Variants in CRHR2 observed in about 807,000 individuals in gnomAD.
CRHR2 encodes the protein corticotropin releasing hormone receptor 2.
Under a neutral mutation model 57.9 loss-of-function variants are expected in CRHR2, and 53 were observed. That is an observed-to-expected ratio of 0.92 (90% CI 0.73 to 1.15). The LOEUF is 1.15. CRHR2 is among the 50% of genes most tolerant of loss of function. CRHR2 has a pLI of 0.00. For missense variants in CRHR2, 532 were observed against 542.6 expected, an observed-to-expected ratio of 0.98 and a Z score of 0.19; for synonymous variants, 213 against 220.9, an observed-to-expected ratio of 0.96 and a Z score of 0.32.
upstream of CRHR2, among the ~76,000 whole-genome samples, chr7:30,685,531 G>T (rs528410108): frequency 6.6e-6 from 1 of 152,272 alleles, no homozygotes; most frequent in African/African-American, 2.4e-5. Context: ...GGGCCTGAAG[G>T]TGCTGCACTT....
chr7:30,692,276 C>T (rs536330757), intron 1 of CRHR2, among the ~76,000 whole-genome samples: 6 of 152,180 alleles, frequency 3.9e-5, no homozygotes, highest in Non-Finnish European at 8.8e-5. Context: ...AGGCCCAGCT[C>T]AAGCTCTTCC....
chr7:30,698,275 T>C (rs956424515), intron 1 of CRHR2: 3 of 152,338 alleles, frequency 2.0e-5, no homozygotes, highest in African/African-American at 7.2e-5. Flanking sequence ...GCAGGAGAGC[T>C]AGGCGCAGGG....
rs374898980 is a variant in CRHR2, at chr7:30,667,332, G to T, written c.230-19C>A. 44 of 1,611,668 alleles carry T rather than the reference G, an allele frequency of 2.7e-5. No individual in the cohort carries two copies. Among genetic ancestry groups the T allele is most frequent in the Non-Finnish European group, 3.7e-5 (44 of 1,177,996 alleles). The stretch of plus-strand genomic sequence containing the variant: ...GCATTCCCTACAAAAAATGCCAACT[G>T]CCAAGAGTCAGGTCACTCCCCTCCT... On this transcript the variant is annotated intron_variant, in intron 2 of 11. Coordinates refer to ENST00000471646, the MANE Select transcript of CRHR2 (RefSeq NM_001883.5).
chr7:30,695,716 C>T (rs999471170), intron 1 of CRHR2, among the ~76,000 whole-genome samples: 5 of 152,046 alleles, frequency 3.3e-5, no homozygotes, highest in African/African-American at 9.7e-5. Context: ...GGAGTCTGTC[C>T]GAATGTCCTA....
chr7:30,678,886 A>C (rs1237192468), intron 2 of CRHR2, among the ~76,000 whole-genome samples: 1 of 151,806 alleles, frequency 6.6e-6, no homozygotes, highest in African/African-American at 2.4e-5. Flanking sequence ...AAATCCCCTT[A>C]CTTCTCCTTT....
rs1324963290 is a variant in CRHR2 at position 30,655,686 on chromosome 7, A to C, written c.947T>G (p.Leu316Arg). ...RKAVKATLVL[L>R]PLLGITYMLF... The stretch of plus-strand genomic sequence containing the variant: ...CATGTAGGTGATGCCCAGGAGGGGC[A>C]GGAGCACCAGGGTGGCCTTCACTGC... Residue 316 changes from leucine (L) to arginine (R), a missense_variant, in exon 10 of 12, where the codon CTG becomes CGG. Leu to Arg is a moderately radical substitution (Grantham distance 102). Coordinates refer to ENST00000471646, the MANE Select transcript of CRHR2 (RefSeq NM_001883.5). 1 of 1,613,980 alleles carries C rather than the reference A, an allele frequency of 6.2e-7. No homozygotes were observed. Among genetic ancestry groups the C allele is most frequent in the East Asian group, 2.2e-5 (1 of 44,898 alleles).
chr7:30,699,933 C>A (rs1785136894), intron 1 of CRHR2: 1 of 1,508,850 alleles, frequency 6.6e-7, no homozygotes, highest in Non-Finnish European at 8.9e-7. Flanking sequence ...ACTCCCACTC[C>A]CTGCACTTAC....
At chr7:30,696,609 G>A (rs1785062213) in intron 1 of CRHR2, among the ~76,000 whole-genome samples, 1 of 151,948 alleles carries the variant, frequency 6.6e-6, no homozygotes, top group Non-Finnish European at 1.5e-5. Context: ...CTATAGTCCT[G>A]GCTACTCAGG....
chr7:30,689,147 A>G (rs1784910121), intron 2 of CRHR2: 1 of 1,514,924 alleles, frequency 6.6e-7, no homozygotes, highest in Non-Finnish European at 9.0e-7. Context: ...GGGCCCACCC[A>G]CATCTCCAGG....
At chr7:30,679,229 G>A (rs1234805770) in intron 2 of CRHR2, among the ~76,000 whole-genome samples, 1 of 152,224 alleles carries the variant, frequency 6.6e-6, no homozygotes, top group African/African-American at 2.4e-5. Context: ...CAGGCCGGAG[G>A]TATGAGTCTT....
rs746235196 is a variant in CRHR2, at chr7:30,665,233, T to A, written c.426-46A>T. ...GGGTCAGCCAGGTTCAGGGGTCAAC[T>A]GGGACTGGGTTCCCCCTGAGGCCAG... is the stretch of plus-strand genomic sequence containing the variant. On this transcript the variant is annotated intron_variant, in intron 4 of 11. Transcript: ENST00000471646. This position sits in a 1 kb window ranked among gnomAD's most constrained non-coding sequence, Gnocchi z 4.5. 1 of 1,525,796 alleles carries A rather than the reference T, an allele frequency of 6.6e-7. No individual in the cohort carries two copies. Among genetic ancestry groups the A allele is most frequent in the Non-Finnish European group, 9.1e-7 (1 of 1,100,126 alleles). The allele number at this position is 1,525,796 out of a possible 1,614,324, so 94.5% of individuals were successfully genotyped here.
rs559250816 is a variant in CRHR2 at position 30,691,215 on chromosome 7, G to T, written c.-260-1931C>A. Among the ~76,000 whole-genome samples the T allele has an allele frequency of 1.4e-3, 206 of 152,314 alleles. 3 individuals are homozygous for T. The highest frequency in any genetic ancestry group is 4.5e-3 in the African/African-American group (188 of 41,564). On this transcript the variant is annotated intron_variant, in intron 1 of 13. Transcript: ENST00000341843. ...TCTGACCCATCACCCTCTTTATGGC[G>T]CCCATCGCCCTTGTTTGAGAAGCAG...
intron 1 of CRHR2, among the ~76,000 whole-genome samples, chr7:30,695,465 C>G (rs1398658236): frequency 6.6e-6 from 1 of 151,964 alleles, no homozygotes; most frequent in Non-Finnish European, 1.5e-5. Flanking sequence ...TCTGAACGCC[C>G]ATGAATCCCT....
chr7:30,655,166 TGGG>T, intron 10 of CRHR2, 86 bp from the exon 11 acceptor site: 1 of 1,060,846 alleles, frequency 9.4e-7, no homozygotes, highest in Non-Finnish European at 1.4e-6. Flanking sequence ...GACAAGATGG[TGGG>T]GGGGGGACAA....
At chr7:30,676,273 C>T (rs1456226193) in intron 2 of CRHR2, among the ~76,000 whole-genome samples, 2 of 152,200 alleles carry the variant, frequency 1.3e-5, no homozygotes, top group Admixed American at 1.3e-4. Flanking sequence ...CTTAGCTAAA[C>T]CTCTGTGATG....
intron 2 of CRHR2, among the ~76,000 whole-genome samples, chr7:30,678,617 C>A (rs1784595788): frequency 6.6e-6 from 1 of 150,662 alleles, no homozygotes; most frequent in Non-Finnish European, 1.5e-5. Context: ...CTGAGGACTT[C>A]TAAACGCCTT....
chr7:30,680,000 C>A (rs1157909645), intron 2 of CRHR2, among the ~76,000 whole-genome samples: 2 of 152,186 alleles, frequency 1.3e-5, no homozygotes, highest in Non-Finnish European at 2.9e-5. Flanking sequence ...GAAAATTGTT[C>A]ATTAGATACC....
intron 2 of CRHR2, among the ~76,000 whole-genome samples, chr7:30,672,914 T>C (rs2128145006): frequency 6.6e-6 from 1 of 152,320 alleles, no homozygotes; most frequent in South Asian, 2.1e-4. Flanking sequence ...AGGCAGAAGA[T>C]CTCTCTCCCT....
At chr7:30,698,497 A>C (rs903944977) in intron 1 of CRHR2, among the ~76,000 whole-genome samples, 13 of 152,204 alleles carry the variant, frequency 8.5e-5, no homozygotes, top group Non-Finnish European at 1.5e-4. Context: ...AGAGGGCAAG[A>C]GAGCTCAAAG....
Sources: allele counts gnomAD v4.1 joint callset (sites outside exome capture counted in the v4.1 genomes callset), GRCh38; gene constraint gnomAD v4.1.1; non-coding constraint Gnocchi (gnomAD v3.1); transcripts MANE v1.5; gene names NCBI Gene and HGNC (gene_info 2026-07-23, HGNC 2026-07-21).